The following CACUL1 variants were observed in gnomAD, a reference collection of about 807,000 sequenced individuals.
CACUL1 encodes CDK2-associated and cullin domain-containing protein 1.
In CACUL1, 13 loss-of-function variants were observed where a neutral mutation model predicts 45.2. The observed-to-expected ratio is 0.29, with a 90% CI of 0.19 to 0.46. The LOEUF is 0.46. Ranked by LOEUF, CACUL1 falls within the 20% of genes least tolerant of loss-of-function variation. CACUL1 has a pLI of 1.00. For synonymous variants in CACUL1, 197 were observed against 174.2 expected, an observed-to-expected ratio of 1.13 and a Z score of -1.03; for missense variants, 421 against 471.4, an observed-to-expected ratio of 0.89 and a Z score of 0.99.
chr10:118,738,096 T>C (rs968339146), intron 1 of CACUL1, among the ~76,000 whole-genome samples: 3 of 152,200 alleles, frequency 2.0e-5, no homozygotes, highest in African/African-American at 2.4e-5. Context: ...CTTGAAGCAG[T>C]AGCTTGAAGC....
At chr10:118,726,778 C>T (rs138078289) in intron 3 of CACUL1, among the ~76,000 whole-genome samples, 4 of 152,112 alleles carry the variant, frequency 2.6e-5, no homozygotes, top group East Asian at 1.9e-4. Flanking sequence ...TGTGAAGCAA[C>T]GAGATAGTCT....
In CACUL1 at chr10:118,754,371, G is replaced by C. The variant is rs1845931941; in HGVS notation, c.367+25C>G. The stretch of plus-strand genomic sequence containing the variant: ...TCCGAGTGAGGTGGAGAAAAGCCAA[G>C]GCTGCAGGGAAAGGCTGGACTCACA... On this transcript the variant is annotated intron_variant, in intron 1 of 8. Coordinates refer to ENST00000369151, the MANE Select transcript of CACUL1 (RefSeq NM_153810.5). 6.0e-6 allele frequency: 9 copies of C among 1,496,896 alleles called. No individual in the cohort carries two copies. In the African/African-American group the frequency reaches 1.0e-4, roughly 17 times the overall value. The allele number at this position is 1,496,896 out of a possible 1,614,324, so 92.7% of individuals were successfully genotyped here.
intron 4 of CACUL1, among the ~76,000 whole-genome samples, chr10:118,705,428 T>A (rs1845423929): frequency 6.6e-6 from 1 of 152,204 alleles, no homozygotes; most frequent in Non-Finnish European, 1.5e-5. Flanking sequence ...CCTATTGACA[T>A]TTAAGACCTG....
At chr10:118,707,701 C>CAAAAAAAAAA (rs879008510) in intron 3 of CACUL1, 114 bp from the exon 4 acceptor site, 1 of 291,854 alleles carries the variant, frequency 3.4e-6, no homozygotes, top group African/African-American at 3.0e-5. Context: ...TCACAATTAA[C>CAAAAAAAAAA]AAAAAAAAAA....
intron 3 of CACUL1, among the ~76,000 whole-genome samples, chr10:118,715,550 A>G (rs1046757071): frequency 6.6e-6 from 1 of 152,198 alleles, no homozygotes; most frequent in African/African-American, 2.4e-5. Context: ...ACGTTTGGCT[A>G]TTGAGCCTTG....
Position 118,686,175 on chromosome 10 carries a change from A to C in CACUL1, c.1070-7T>G, listed in dbSNP as rs973511310. Reference sequence around the variant, plus strand: ...GCACATGCTGACGAGCTATCTGAAAAAACATCAGAATAGGAAAAAGTATGA... The same window carrying C: ...GCACATGCTGACGAGCTATCTGAAACAACATCAGAATAGGAAAAAGTATGA... On this transcript the variant is annotated splice_region_variant and splice_polypyrimidine_tract_variant and intron_variant, in intron 8 of 8. Coordinates refer to ENST00000369151, the MANE Select transcript of CACUL1 (RefSeq NM_153810.5). The C allele has an allele frequency of 3.7e-6, 6 of 1,610,446 alleles. No individual in the cohort carries two copies. Among genetic ancestry groups the C allele is most frequent in the Non-Finnish European group, 5.1e-6 (6 of 1,176,856 alleles).
chr10:118,738,492 C>A (rs1589617926), intron 1 of CACUL1, among the ~76,000 whole-genome samples: 1 of 142,562 alleles, frequency 7.0e-6, no homozygotes, highest in Middle Eastern at 3.5e-3. Flanking sequence ...CCCACCTATC[C>A]ATTCTGCCAT....
chr10:118,729,540 A>G (rs1298055060), intron 2 of CACUL1, 143 bp from the exon 3 acceptor site: 1 of 632,748 alleles, frequency 1.6e-6, no homozygotes, highest in Non-Finnish European at 2.8e-6. Context: ...ACTTTTAAAT[A>G]AAAACTTTAT....
Position 118,729,389 on chromosome 10 carries a change from T to C in CACUL1, c.503A>G (p.Tyr168Cys), listed in dbSNP as rs1845678956. Residue 168 changes from tyrosine (Y) to cysteine (C), a missense_variant, in exon 3 of 9, where the codon TAT becomes TGT. Tyr to Cys is a radical substitution (Grantham distance 194). Around this residue, in one of 2 missense-constraint regions of CACUL1, gnomAD observed 208 missense variants for 298.4 expected, o/e 0.70. Transcript: ENST00000369151. ...ISYEQIYSCV[Y>C]KCVCQQHSEQ... ...CGAGTGCTGCTGGCATACACATTTA[T>C]ACACACAACTGTAAAACAAACAAAA... 6.2e-7 allele frequency: 1 copy of C among 1,609,000 alleles called. No individual in the cohort carries two copies. Among genetic ancestry groups the C allele is most frequent in the Non-Finnish European group, 8.5e-7 (1 of 1,178,486 alleles).
At chr10:118,696,556 T>C (rs530878272) in intron 5 of CACUL1, among the ~76,000 whole-genome samples, 2 of 152,308 alleles carry the variant, frequency 1.3e-5, no homozygotes, top group East Asian at 3.9e-4. Context: ...AGGCAGAGAA[T>C]TGCTTGAACC....
intron 7 of CACUL1, among the ~76,000 whole-genome samples, chr10:118,690,021 T>G (rs994462844): frequency 6.6e-6 from 1 of 152,240 alleles, no homozygotes; most frequent in East Asian, 1.9e-4. Flanking sequence ...TTAAGAATAC[T>G]GGGCCGGGTG....
At chr10:118,687,315 A>G (rs1016078316) in intron 7 of CACUL1, among the ~76,000 whole-genome samples, 2 of 152,116 alleles carry the variant, frequency 1.3e-5, no homozygotes, top group African/African-American at 2.4e-5. Context: ...ACTCCTCATC[A>G]CCATGTCCAT....
In CACUL1 at chr10:118,724,714, T is replaced by C. The variant is rs184306172; in HGVS notation, c.597+4581A>G. On this transcript the variant is annotated intron_variant, in intron 3 of 8. Coordinates refer to ENST00000369151, the MANE Select transcript of CACUL1 (RefSeq NM_153810.5). ...CACTAGTGCAGGCATGAGCCAATGA[T>C]GACGTGGAAGAGGAAGACAACAATG... is the stretch of plus-strand genomic sequence containing the variant. Among the ~76,000 whole-genome samples the C allele has an allele frequency of 2.9e-3, 434 of 152,248 alleles. 3 individuals are homozygous for C. Among genetic ancestry groups the C allele is most frequent in the African/African-American group, 0.01 (416 of 41,546 alleles).
rs1190556552 is a variant in CACUL1 at position 118,711,361 on chromosome 10, T to C, written c.598-3774A>G. ...TCCCGAAGTGCTGGGATTACAGCCG[T>C]GAGCCACCGCACCTGGCCTAATAAC... On this transcript the variant is annotated intron_variant, in intron 3 of 8. Coordinates refer to ENST00000369151, the MANE Select transcript of CACUL1 (RefSeq NM_153810.5). Among the ~76,000 whole-genome samples the C allele has an allele frequency of 2.0e-5, 3 of 152,258 alleles. No homozygotes were observed. The East Asian group carries it at 5.8e-4, about 29-fold the overall frequency.
chr10:118,722,753 G>A (rs571370049), intron 3 of CACUL1, among the ~76,000 whole-genome samples: 86 of 152,248 alleles, frequency 5.6e-4, no homozygotes, highest in African/African-American at 1.9e-3. Context: ...CCAAAGGTGG[G>A]GCTTGGACAT....
chr10:118,731,868 T>C (rs1294460571), intron 1 of CACUL1, among the ~76,000 whole-genome samples: 1 of 152,066 alleles, frequency 6.6e-6, no homozygotes, highest in Non-Finnish European at 1.5e-5. Context: ...GTGGTAAAGA[T>C]GAAATGCAAA....
intron 6 of CACUL1, among the ~76,000 whole-genome samples, chr10:118,692,133 CAT>C (rs1386449147): frequency 5.9e-5 from 9 of 151,650 alleles, no homozygotes; most frequent in African/African-American, 1.5e-4. Flanking sequence ...AATAAGTAGA[CAT>C]ATTTAAAAAA....
At chr10:118,753,359 T>C (rs1048867827) in intron 1 of CACUL1, among the ~76,000 whole-genome samples, 2 of 152,396 alleles carry the variant, frequency 1.3e-5, no homozygotes, top group South Asian at 4.1e-4. Flanking sequence ...ATATTTTCTC[T>C]GCACAGCTAA....
intron 3 of CACUL1, among the ~76,000 whole-genome samples, chr10:118,727,609 T>C (rs1845663764): frequency 6.6e-6 from 1 of 152,132 alleles, no homozygotes; most frequent in Non-Finnish European, 1.5e-5. Flanking sequence ...TGAACCACAA[T>C]TTAGACTTAG....
Sources: allele counts gnomAD v4.1 joint callset (sites outside exome capture counted in the v4.1 genomes callset), GRCh38; gene constraint gnomAD v4.1.1; regional missense constraint gnomAD v4.1.1; transcripts MANE v1.5; gene names NCBI Gene and HGNC (gene_info 2026-07-23, HGNC 2026-07-21).